The following SYT3 variants were observed in gnomAD, a reference collection of about 807,000 sequenced individuals.
SYT3 encodes synaptotagmin 3.
In SYT3, 25 loss-of-function variants were observed where a neutral mutation model predicts 50.6. The observed-to-expected ratio is 0.49, with a 90% CI of 0.36 to 0.69. SYT3 has a LOEUF of 0.69. Among genes scored for constraint, SYT3 ranks in the 30% least tolerant of loss-of-function variants. The pLI is 0.00. For synonymous variants in SYT3, 323 were observed against 353.9 expected (o/e 0.91, Z 0.98); for missense variants, 589 against 793.6 (o/e 0.74, Z 3.10).
rs563116389 is a variant in SYT3, at chr19:50,624,272, G to A, written c.1707+890C>T. Among the ~76,000 whole-genome samples the A allele has an allele frequency of 1.1e-4, 17 of 152,208 alleles. No homozygotes were observed. The South Asian group carries it at 3.3e-3, about 30-fold the overall frequency. ...GCATGAGCCACTGTGCCCTGCCCAA[G>A]TTTTTATATATTTTTTCTAAATTTA... On this transcript the variant is annotated intron_variant, in intron 9 of 10. Transcript: ENST00000600079.
upstream of SYT3, among the ~76,000 whole-genome samples, chr19:50,643,491 G>T (rs1363515610): frequency 6.6e-6 from 1 of 151,984 alleles, no homozygotes; most frequent in African/African-American, 2.4e-5. Flanking sequence ...AAAAAACGGA[G>T]TGGATCTGAA....
chr19:50,652,990 C>A, the SYT3 span, among the ~76,000 whole-genome samples: 830 of 152,272 alleles, frequency 5.5e-3, 4 homozygotes, highest in Non-Finnish European at 8.6e-3. Flanking sequence ...AACAACACTA[C>A]CTCGGAAGGT....
chr19:50,635,056 G>C lies in SYT3; in HGVS notation c.148+2208C>G, dbSNP rs962316902. Among the ~76,000 whole-genome samples the C allele has an allele frequency of 5.9e-5, 9 of 152,066 alleles. No homozygotes were observed. In the South Asian group the frequency reaches 8.3e-4, roughly 14 times the overall value. On this transcript the variant is annotated intron_variant, in intron 3 of 10. Transcript: ENST00000600079. ...CTCCCAAGTAGCTGGGACTACAGGC[G>C]CCTGCCACCATGCCCAGCTAATTTT...
At chr19:50,641,067 C>A (rs1219797870), upstream of SYT3, among the ~76,000 whole-genome samples, 2 of 151,782 alleles carry the variant, frequency 1.3e-5, no homozygotes, top group African/African-American at 4.8e-5. Flanking sequence ...AACAAAAAAA[C>A]CAAAAAACCA....
At chr19:50,648,707 G>A in the SYT3 span, among the ~76,000 whole-genome samples, 1 of 98,004 alleles carries the variant, frequency 1.0e-5, no homozygotes, top group East Asian at 2.4e-4. Flanking sequence ...CCTCCCTCTG[G>A]AGGCACCATG....
the SYT3 span, among the ~76,000 whole-genome samples, chr19:50,651,540 C>G: frequency 6.6e-6 from 1 of 152,102 alleles, no homozygotes; most frequent in Non-Finnish European, 1.5e-5. Context: ...CCAGCATCCT[C>G]CAAGGCACAC....
the SYT3 span, among the ~76,000 whole-genome samples, chr19:50,653,696 A>G: frequency 1.4e-4 from 17 of 123,992 alleles, no homozygotes; most frequent in African/African-American, 6.4e-4. Flanking sequence ...ACACACACAC[A>G]CACACACACA....
chr19:50,635,979 G>A lies in SYT3; in HGVS notation c.148+1285C>T, dbSNP rs142658667. Among the ~76,000 whole-genome samples the A allele has an allele frequency of 3.8e-4, 58 of 152,302 alleles. No homozygotes were observed. The East Asian group carries it at 8.1e-3, about 21-fold the overall frequency. Reference sequence around the variant, plus strand: ...TGAGTATAACAGTTTCCAGCCAGGCGTGGTGGCTCATGCCTGTAATCCCAG... The same window carrying A: ...TGAGTATAACAGTTTCCAGCCAGGCATGGTGGCTCATGCCTGTAATCCCAG... On this transcript the variant is annotated intron_variant, in intron 3 of 10. Transcript: ENST00000600079.
At chr19:50,656,388 G>A in the SYT3 span, 2 of 1,508,790 alleles carry the variant, frequency 1.3e-6, no homozygotes, top group East Asian at 2.5e-5. Context: ...AGTTTTGGTG[G>A]GGTGATGGGA....
the SYT3 span, among the ~76,000 whole-genome samples, chr19:50,645,304 C>T: frequency 1.3e-5 from 2 of 151,852 alleles, no homozygotes; most frequent in Non-Finnish European, 2.9e-5. Context: ...GGAAGTCGGT[C>T]GGAGTAAGGC....
intron 6 of SYT3, among the ~76,000 whole-genome samples, chr19:50,628,926 C>A (rs143548289): frequency 6.6e-6 from 1 of 150,780 alleles, no homozygotes; most frequent in Admixed American, 6.6e-5. Context: ...CTGGTGCAAG[C>A]GATTCTCCTG....
the SYT3 span, among the ~76,000 whole-genome samples, chr19:50,645,172 C>T: frequency 1.2e-4 from 19 of 152,310 alleles, no homozygotes; most frequent in East Asian, 1.7e-3. Context: ...GCCACCACTG[C>T]GGCGCTGACA....
chr19:50,653,759 G>T, the SYT3 span, among the ~76,000 whole-genome samples: 2 of 149,984 alleles, frequency 1.3e-5, no homozygotes, highest in Admixed American at 6.6e-5. Flanking sequence ...CAGTAGAAGG[G>T]TGTTAGCAAG....
chr19:50,626,789 G>C (rs1478769042), intron 6 of SYT3, among the ~76,000 whole-genome samples: 2 of 151,658 alleles, frequency 1.3e-5, no homozygotes, highest in Admixed American at 1.3e-4. Flanking sequence ...GAGACTCAGA[G>C]AGAGACAGAG....
At position 50,629,996 on chromosome 19, in the gene SYT3, G is replaced by T. The variant is rs1283196301; in HGVS notation, c.850C>A (p.Arg284=). 2.5e-6 allele frequency: 4 copies of T among 1,613,596 alleles called. No homozygotes were observed. The highest frequency in any genetic ancestry group is 2.7e-5 in the African/African-American group (2 of 74,896). The stretch of plus-strand genomic sequence containing the variant: ...CCAGAGCCTGGGCCCCCACCGCTCC[G>T]CCGGCCACCAGGGCCAGTCCCCTGG... ...LYQGTGPGGR[R]SGGGPGSGEA... The change falls in exon 5 of 11, where the codon CGG becomes AGG. Residue 284 remains arginine, a synonymous_variant. Coordinates refer to ENST00000600079, the MANE Select transcript of SYT3 (RefSeq NM_001160329.2).
chr19:50,628,622 G>T (rs1984158848), intron 6 of SYT3, among the ~76,000 whole-genome samples: 1 of 152,034 alleles, frequency 6.6e-6, no homozygotes, highest in Non-Finnish European at 1.5e-5. Context: ...AGAGGGACTG[G>T]GGCTTCCAGA....
At chr19:50,654,464 G>A in the SYT3 span, among the ~76,000 whole-genome samples, 25 of 148,280 alleles carry the variant, frequency 1.7e-4, no homozygotes, top group African/African-American at 6.0e-4. Context: ...CAACACACCC[G>A]GCTTTTTTGT....
At chr19:50,642,756 C>T (rs1041529313), upstream of SYT3, among the ~76,000 whole-genome samples, 5 of 152,090 alleles carry the variant, frequency 3.3e-5, no homozygotes, top group Non-Finnish European at 7.4e-5. Flanking sequence ...ATCACTTGAA[C>T]CCAGGAGGCA....
At chr19:50,626,562 A>AGAGAGAGAGGAGGACGGAG (rs1568761334) in intron 6 of SYT3, among the ~76,000 whole-genome samples, 1 of 142,822 alleles carries the variant, frequency 7.0e-6, no homozygotes, top group Non-Finnish European at 1.5e-5. Context: ...GGAGGACAGA[A>AGAGAGAGAGGAGGACGGAG]GCCCAGAGAG....
Sources: gnomAD v4.1 joint callset for allele counts (sites outside exome capture counted in the v4.1 genomes callset) on GRCh38, gnomAD v4.1.1 for gene constraint, MANE v1.5 for transcripts, NCBI Gene and HGNC (gene_info 2026-07-23, HGNC 2026-07-21) for gene names.